The following FOXP2 variants were observed in gnomAD, a reference collection of about 807,000 sequenced individuals.
FOXP2 encodes the protein forkhead box protein P2.
A neutral mutation model predicts 115.8 loss-of-function variants in FOXP2; 12 were observed. That is an observed-to-expected ratio of 0.10 (90% CI 0.07 to 0.17). FOXP2 has a LOEUF of 0.17. Ranked by LOEUF, FOXP2 falls within the 10% of genes least tolerant of loss-of-function variation. The pLI, the probability that FOXP2 is intolerant of heterozygous loss-of-function variation, is 1.00. For missense variants in FOXP2, 629 were observed against 843.5 expected, an observed-to-expected ratio of 0.75 and a Z score of 3.15; for synonymous variants, 328 against 297.7, an observed-to-expected ratio of 1.10 and a Z score of -1.05.
chr7:114,539,380 A>G (rs1487035106), intron 3 of FOXP2, among the ~76,000 whole-genome samples: 2 of 151,998 alleles, frequency 1.3e-5, no homozygotes, highest in East Asian at 3.9e-4. Flanking sequence ...GAGAAGCTAA[A>G]CCACATTTTA....
In FOXP2 at chr7:114,271,650, ATAAATATTAT is replaced by A. The variant is rs1796050080; in HGVS notation, c.-101-16361_-101-16352del. On this transcript the variant is annotated intron_variant, in intron 1 of 17. Transcript: ENST00000634411. Reference sequence around the variant, plus strand: ...ATTATTAATATAATTATTAATTATTATAAATATTATTAAATATATTATTTAAAATTATATT... The same window carrying A: ...ATTATTAATATAATTATTAATTATTATAAATATATTATTTAAAATTATATT... Among the ~76,000 whole-genome samples, 3 of 120,908 alleles carry A rather than the reference ATAAATATTAT, an allele frequency of 2.5e-5. No individual in the cohort carries two copies. The Admixed American group carries it at 3.0e-4, about 12-fold the overall frequency. 79.3% of individuals were successfully genotyped at this position (120,908 alleles called of 152,430 possible). A position where few individuals can be genotyped will look rare whatever the true frequency, so the allele number is the denominator to read the frequency against.
At chr7:114,269,170 AGGGT>A (rs1795974920) in intron 1 of FOXP2, among the ~76,000 whole-genome samples, 1 of 152,180 alleles carries the variant, frequency 6.6e-6, no homozygotes, top group African/African-American at 2.4e-5. Context: ...CTTAGAGTTT[AGGGT>A]CCTCATGAAG....
At chr7:114,572,526 G>A (rs1801359478) in intron 3 of FOXP2, among the ~76,000 whole-genome samples, 1 of 151,592 alleles carries the variant, frequency 6.6e-6, no homozygotes, top group Admixed American at 6.6e-5. Flanking sequence ...TAAATTTTAG[G>A]TAAACATCAA....
chr7:114,289,361 G>T (rs1043268171), intron 2 of FOXP2, among the ~76,000 whole-genome samples: 9 of 151,854 alleles, frequency 5.9e-5, no homozygotes, highest in Non-Finnish European at 1.3e-4. Context: ...TATGTAGCTT[G>T]TTGTGATTTT....
chr7:114,102,696 CCACACACA>C (rs10624558), intron 1 of FOXP2, among the ~76,000 whole-genome samples: 7 of 136,468 alleles, frequency 5.1e-5, no homozygotes, highest in African/African-American at 8.0e-5. Context: ...ACACCACACA[CCACACACA>C]CACACACACA....
chr7:114,478,890 G>C (rs561772054), intron 2 of FOXP2, among the ~76,000 whole-genome samples: 2 of 151,518 alleles, frequency 1.3e-5, no homozygotes, highest in Non-Finnish European at 3.0e-5. Context: ...CTTCAGTAGC[G>C]TATTATATGG....
chr7:114,425,118 A>G (rs1045824059), intron 1 of FOXP2, among the ~76,000 whole-genome samples: 1 of 151,544 alleles, frequency 6.6e-6, no homozygotes, highest in Admixed American at 6.6e-5. Flanking sequence ...ATAACTGGGG[A>G]AAACATTTTC....
intron 3 of FOXP2, among the ~76,000 whole-genome samples, chr7:114,604,001 C>T (rs1416813597): frequency 2.0e-5 from 3 of 152,144 alleles, no homozygotes; most frequent in Non-Finnish European, 2.9e-5. Flanking sequence ...TGCCTGATTT[C>T]AACTATATGA....
At chr7:114,560,574 C>T (rs1800711907) in intron 3 of FOXP2, among the ~76,000 whole-genome samples, 1 of 152,142 alleles carries the variant, frequency 6.6e-6, no homozygotes, top group African/African-American at 2.4e-5. Context: ...TGAGATTGTG[C>T]CACTGCACAC....
At chr7:114,639,910 G>A (rs1805429445) in intron 6 of FOXP2, among the ~76,000 whole-genome samples, 1 of 152,124 alleles carries the variant, frequency 6.6e-6, no homozygotes, top group African/African-American at 2.4e-5. Context: ...GAAAGCCTTT[G>A]GAGGCCTTGC....
intron 2 of FOXP2, among the ~76,000 whole-genome samples, chr7:114,305,196 C>G (rs1796984906): frequency 6.6e-6 from 1 of 152,114 alleles, no homozygotes; most frequent in Admixed American, 6.6e-5. Context: ...AATTGCCTCC[C>G]TGGAGTGCAC....
intron 2 of FOXP2, among the ~76,000 whole-genome samples, chr7:114,334,793 C>A (rs1584644978): frequency 6.7e-6 from 1 of 150,222 alleles, no homozygotes; most frequent in East Asian, 2.0e-4. Flanking sequence ...TGAAGTGATA[C>A]CTTTAATTTT....
rs924861869 is a variant in FOXP2, at chr7:114,690,538, A to G, written c.*612A>G. The G allele has an allele frequency of 6.6e-6, 3 of 453,992 alleles. No homozygotes were observed. Among genetic ancestry groups the G allele is most frequent in the Admixed American group, 2.4e-5 (1 of 42,542 alleles). The allele number at this position is 453,992 out of a possible 1,614,324, so 28.1% of individuals were successfully genotyped here. ...ACATAAGTTAGTTATTACAAAACAC[A>G]GTAATTAGACTGTTGCAACCATCTA... On this transcript the variant is annotated 3_prime_UTR_variant, in exon 17 of 17. Coordinates refer to ENST00000350908, the MANE Select transcript of FOXP2 (RefSeq NM_014491.4).
chr7:114,629,399 G>A (rs1804766469), intron 4 of FOXP2, among the ~76,000 whole-genome samples: 1 of 152,116 alleles, frequency 6.6e-6, no homozygotes, highest in African/African-American at 2.4e-5. Flanking sequence ...ACATTGTTCT[G>A]AACATCTGAT....
At chr7:114,112,404 T>G (rs906505848) in intron 1 of FOXP2, among the ~76,000 whole-genome samples, 9 of 152,016 alleles carry the variant, frequency 5.9e-5, no homozygotes, top group African/African-American at 1.7e-4. Flanking sequence ...TTCAAGCAAT[T>G]CTCCAGCCTC....
chr7:114,450,480 T>C (rs1795025753), intron 2 of FOXP2, among the ~76,000 whole-genome samples: 1 of 152,128 alleles, frequency 6.6e-6, no homozygotes, highest in Non-Finnish European at 1.5e-5. Flanking sequence ...AGTATATAAT[T>C]TCTTCTATTT....
chr7:114,416,084 G>T (rs944945535), intron 1 of FOXP2, among the ~76,000 whole-genome samples: 3 of 151,884 alleles, frequency 2.0e-5, no homozygotes, highest in African/African-American at 7.2e-5. Flanking sequence ...AGGTAGCTTG[G>T]CTGGGCTATA....
intron 1 of FOXP2, among the ~76,000 whole-genome samples, chr7:114,132,244 C>G (rs1361521087): frequency 7.9e-5 from 12 of 152,048 alleles, no homozygotes; most frequent in Admixed American, 7.2e-4. Flanking sequence ...CAACATAATT[C>G]TTTTTCTACT....
At chr7:114,672,183 T>C (rs1311951165) in intron 16 of FOXP2, among the ~76,000 whole-genome samples, 1 of 152,210 alleles carries the variant, frequency 6.6e-6, no homozygotes, top group African/African-American at 2.4e-5. Context: ...GATCACACAA[T>C]GTTATCTTAC....
Sources: gnomAD v4.1 joint callset for allele counts (sites outside exome capture counted in the v4.1 genomes callset) on GRCh38, gnomAD v4.1.1 for gene constraint, MANE v1.5 for transcripts, NCBI Gene and HGNC (gene_info 2026-07-23, HGNC 2026-07-21) for gene names.